Variants in MCTP1 observed in about 807,000 individuals in gnomAD.
MCTP1 encodes the protein multiple C2 and transmembrane domain containing 1.
A neutral mutation model predicts 120.6 loss-of-function variants in MCTP1; 69 were observed. The ratio of observed to expected loss-of-function variants is 0.57; its 90% confidence interval spans 0.47 to 0.70. The LOEUF (loss-of-function observed/expected upper bound fraction) is 0.70, where lower values mean the gene tolerates loss of function less well. MCTP1 is among the 30% of genes least tolerant of loss of function. The pLI is 0.00. For missense variants in MCTP1, 1,203 were observed against 1,248.8 expected (o/e 0.96, Z 0.55); for synonymous variants, 529 against 493.1 (o/e 1.07, Z -0.96).
intron 1 of MCTP1, among the ~76,000 whole-genome samples, chr5:95,020,612 T>C (rs148964869): frequency 2.0e-4 from 30 of 152,176 alleles, no homozygotes; most frequent in African/African-American, 7.0e-4. Context: ...GTTAAAGCTG[T>C]CCTTTTTTCC....
chr5:94,855,561 C>G (rs980286272), intron 17 of MCTP1, among the ~76,000 whole-genome samples: 13 of 151,718 alleles, frequency 8.6e-5, no homozygotes, highest in African/African-American at 2.9e-4. Flanking sequence ...TCTGAATTAC[C>G]GAGGTAGGCT....
intron 17 of MCTP1, chr5:94,826,234 G>A (rs1435704961): frequency 2.3e-6 from 1 of 434,640 alleles, no homozygotes; most frequent in Non-Finnish European, 4.4e-6. Flanking sequence ...AACCATGCTT[G>A]TAGATTAGTT....
In MCTP1 at chr5:95,040,058, C is replaced by T. The variant is rs551885154; in HGVS notation, c.721-22574G>A. On this transcript the variant is annotated intron_variant, in intron 1 of 22. Transcript: ENST00000515393. ...TAACCAGTATTCACTCTGGGAGCTT[C>T]ATCTAATTAATTACAGAAAAATATA... Among the ~76,000 whole-genome samples the T allele has an allele frequency of 3.9e-5, 6 of 152,250 alleles. No individual in the cohort carries two copies. In the South Asian group the frequency reaches 1.0e-3, roughly 26 times the overall value.
chr5:95,009,622 T>C (rs968262950), intron 2 of MCTP1, among the ~76,000 whole-genome samples: 1 of 151,594 alleles, frequency 6.6e-6, no homozygotes, highest in Non-Finnish European at 1.5e-5. Context: ...ACATTATTTA[T>C]CTGAAATTTA....
At chr5:95,281,836 T>A (rs1276789489) in intron 1 of MCTP1, among the ~76,000 whole-genome samples, 1 of 152,070 alleles carries the variant, frequency 6.6e-6, no homozygotes, top group African/African-American at 2.4e-5. Context: ...TGGGGAAAAA[T>A]CTCCAGAATA....
At chr5:94,878,141 G>T (rs1317709723) in intron 12 of MCTP1, among the ~76,000 whole-genome samples, 1 of 152,080 alleles carries the variant, frequency 6.6e-6, no homozygotes, top group Non-Finnish European at 1.5e-5. Flanking sequence ...AATCAAGGTT[G>T]CCATCTATCC....
intron 2 of MCTP1, among the ~76,000 whole-genome samples, chr5:95,006,185 A>G (rs1274722859): frequency 1.3e-5 from 2 of 152,132 alleles, no homozygotes; most frequent in African/African-American, 2.4e-5. Flanking sequence ...TTTGAACAAA[A>G]TGATGTTATT....
At chr5:94,930,828 G>C (rs1280186447) in intron 6 of MCTP1, 6 of 152,046 alleles carry the variant, frequency 3.9e-5, no homozygotes, top group Non-Finnish European at 4.4e-5. Flanking sequence ...AATATGAACA[G>C]TGCAAATATT....
chr5:95,019,496 T>C (rs1433380072), intron 1 of MCTP1, among the ~76,000 whole-genome samples: 1 of 152,078 alleles, frequency 6.6e-6, no homozygotes, highest in Non-Finnish European at 1.5e-5. Context: ...AGGAATAGCA[T>C]AATTTCTTCC....
At chr5:94,991,381 T>C (rs1418849011) in intron 2 of MCTP1, among the ~76,000 whole-genome samples, 1 of 152,232 alleles carries the variant, frequency 6.6e-6, no homozygotes, top group Non-Finnish European at 1.5e-5. Context: ...TCCAACATTA[T>C]TGAATCAGAG....
intron 5 of MCTP1, among the ~76,000 whole-genome samples, chr5:94,933,325 A>T (rs956241177): frequency 2.6e-5 from 4 of 151,940 alleles, no homozygotes; most frequent in South Asian, 2.1e-4. Context: ...AGAGGTGGCC[A>T]TCTAGGGGGA....
Position 95,284,320 on chromosome 5 carries a change from G to C in MCTP1, c.256C>G (p.Gln86Glu), listed in dbSNP as rs772740313. 1 of 1,597,394 alleles carries C rather than the reference G, an allele frequency of 6.3e-7. No individual in the cohort carries two copies. The highest frequency in any genetic ancestry group is 8.5e-7 in the Non-Finnish European group (1 of 1,179,322). ...SRWSGFKKRK[Q>E]VLDRVFSSSQ... The stretch of plus-strand genomic sequence containing the variant: ...GAGGAGAAGACTCGGTCCAGCACTT[G>C]CTTCCGCTTCTTGAAGCCGCTCCAC... The change falls in exon 1 of 23, where the codon CAA (glutamine) becomes GAA (glutamate). Residue 86 changes from glutamine (Q) to glutamate (E), a missense_variant. This residue lies in a region of MCTP1 where 463 missense variants were observed against 377.8 expected (regional missense o/e 1.23). Transcript: ENST00000515393. The surrounding 1 kb of genome is among the most constrained non-coding windows in gnomAD (Gnocchi z 5.2).
chr5:94,858,750 C>A (rs1287268587), intron 17 of MCTP1, among the ~76,000 whole-genome samples: 5 of 151,672 alleles, frequency 3.3e-5, no homozygotes, highest in Non-Finnish European at 7.4e-5. Flanking sequence ...TCCAGTTGTA[C>A]CATTCCATGA....
At chr5:94,856,180 A>G (rs916907563) in intron 17 of MCTP1, among the ~76,000 whole-genome samples, 10 of 151,762 alleles carry the variant, frequency 6.6e-5, no homozygotes, top group Admixed American at 2.0e-4. Context: ...GCATTAAACA[A>G]GTAATAATTA....
At chr5:94,758,910 C>G (rs1373768795) in intron 19 of MCTP1, among the ~76,000 whole-genome samples, 1 of 152,086 alleles carries the variant, frequency 6.6e-6, no homozygotes, top group Non-Finnish European at 1.5e-5. Context: ...CTGATATACA[C>G]TAAAAACAGA....
At chr5:94,969,935 T>C (rs941693261) in intron 2 of MCTP1, among the ~76,000 whole-genome samples, 1 of 152,190 alleles carries the variant, frequency 6.6e-6, no homozygotes, top group Middle Eastern at 3.4e-3. Context: ...AAATATTTCA[T>C]AATGCTAAAT....
chr5:94,972,249 T>C (rs550093771), intron 2 of MCTP1, among the ~76,000 whole-genome samples: 62 of 152,264 alleles, frequency 4.1e-4, no homozygotes, highest in Non-Finnish European at 8.7e-4. Context: ...CTTCTCCTTG[T>C]TCAGGAGATT....
At chr5:94,889,777 C>CACAT (rs1802154999) in intron 11 of MCTP1, among the ~76,000 whole-genome samples, 1 of 151,558 alleles carries the variant, frequency 6.6e-6, no homozygotes, top group Non-Finnish European at 1.5e-5. Flanking sequence ...CACACACACA[C>CACAT]ACACACCCCT....
chr5:95,066,821 G>A (rs1462267647), intron 1 of MCTP1, among the ~76,000 whole-genome samples: 21 of 152,154 alleles, frequency 1.4e-4, no homozygotes, highest in Admixed American at 1.3e-3. Context: ...AGTGGGGACC[G>A]GGGGCGGAGC....
Sources: allele counts gnomAD v4.1 joint callset (sites outside exome capture counted in the v4.1 genomes callset), GRCh38; gene constraint gnomAD v4.1.1; regional missense constraint gnomAD v4.1.1; non-coding constraint Gnocchi (gnomAD v3.1); transcripts MANE v1.5; gene names NCBI Gene and HGNC (gene_info 2026-07-23, HGNC 2026-07-21).